CRPPA: variants seen among roughly 807,000 people sequenced by gnomAD.
The protein encoded by CRPPA is D-ribitol-5-phosphate cytidylyltransferase.
Under a neutral mutation model 52.0 loss-of-function variants are expected in CRPPA, and 43 were observed. The ratio of observed to expected loss-of-function variants is 0.83; its 90% CI spans 0.65 to 1.07. The LOEUF (loss-of-function observed/expected upper bound fraction) is 1.07. Among genes scored for constraint, CRPPA ranks in the 50% least tolerant of loss-of-function variants. CRPPA has a pLI of 0.00. For synonymous variants in CRPPA, 250 were observed against 203.5 expected (o/e 1.23, Z -1.94); for missense variants, 629 against 551.7 (o/e 1.14, Z -1.40).
chr7:16,277,970 G>C (rs753322316), intron 6 of CRPPA, among the ~76,000 whole-genome samples, 159 bp downstream of exon 6: 4 of 152,192 alleles, frequency 2.6e-5, no homozygotes, highest in Non-Finnish European at 5.9e-5. Flanking sequence ...GTATGTTTCA[G>C]ATCCTAAGTG....
chr7:16,340,995 A>G (rs1172806612), intron 3 of CRPPA, among the ~76,000 whole-genome samples: 1 of 152,126 alleles, frequency 6.6e-6, no homozygotes, highest in African/African-American at 2.4e-5. Flanking sequence ...AAAGCATCCA[A>G]TCTGAAAAGG....
intron 6 of CRPPA, among the ~76,000 whole-genome samples, chr7:16,260,298 G>A (rs963618114): frequency 1.3e-5 from 2 of 151,668 alleles, no homozygotes; most frequent in Admixed American, 1.3e-4. Flanking sequence ...AGTAAGATGG[G>A]GACATCTCTC....
chr7:16,389,922 A>ATAT lies in CRPPA; in HGVS notation c.535-13682_535-13681insATA, dbSNP rs1163713598. Among the ~76,000 whole-genome samples, 436 of 62,142 alleles carry ATAT rather than the reference A, an allele frequency of 7.0e-3. 3 individuals are homozygous for ATAT. Among genetic ancestry groups the ATAT allele is most frequent in the South Asian group, 0.01 (17 of 1,678 alleles). The allele number at this position is 62,142 out of a possible 152,430, so 40.8% of individuals were successfully genotyped here. A position where few individuals can be genotyped will look rare whatever the true frequency, so the allele number is the denominator to read the frequency against. On this transcript the variant is annotated intron_variant, in intron 2 of 9. Transcript: ENST00000407010. ...GAACAAGCCTAGTATACAAAAAAAA[A>ATAT]AAAAAAATATATATATATATATATA...
intron 2 of CRPPA, among the ~76,000 whole-genome samples, chr7:16,392,100 A>G (rs1408913596): frequency 6.6e-6 from 1 of 152,146 alleles, no homozygotes; most frequent in Non-Finnish European, 1.5e-5. Context: ...CTGCTTAATT[A>G]ATATTCTTTT....
intron 9 of CRPPA, among the ~76,000 whole-genome samples, chr7:16,107,674 C>G (rs1405305873): frequency 5.3e-5 from 8 of 150,258 alleles, no homozygotes; most frequent in African/African-American, 2.0e-4. Context: ...TATAAAAAAG[C>G]AAAAAAAATC....
chr7:16,091,728 A>G lies in CRPPA; in HGVS notation c.1323T>C (p.Asn441=). Residue 441 remains asparagine (N), a synonymous_variant, in exon 10 of 10, where the codon AAT becomes AAC. Transcript: ENST00000407010. ...IIIASLIKER[N]SGLIGQLLIA Reference sequence around the variant, plus strand: ...TCAGAAGCTGACCAATGAGTCCAGAATTTCTTTCCTTGATTAATGAAGCAA... The same window carrying G: ...TCAGAAGCTGACCAATGAGTCCAGAGTTTCTTTCCTTGATTAATGAAGCAA... 1 of 1,562,026 alleles carries G rather than the reference A, an allele frequency of 6.4e-7. No individual in the cohort carries two copies. The highest frequency in any genetic ancestry group is 1.2e-5 in the South Asian group (1 of 83,996).
chr7:16,341,287 T>A (rs1785821276), intron 3 of CRPPA, among the ~76,000 whole-genome samples: 1 of 148,044 alleles, frequency 6.8e-6, no homozygotes, highest in Admixed American at 6.7e-5. Context: ...TTCAATGGTT[T>A]AAAAAAAAAA....
chr7:16,143,031 A>G (rs1292623709), intron 9 of CRPPA, among the ~76,000 whole-genome samples: 1 of 152,224 alleles, frequency 6.6e-6, no homozygotes, highest in Non-Finnish European at 1.5e-5. Flanking sequence ...AATGTTGGAA[A>G]AAGAAAAATA....
intron 2 of CRPPA, among the ~76,000 whole-genome samples, chr7:16,398,344 C>T (rs6976588): frequency 0.15 from 22,478 of 151,912 alleles, 2,106 homozygotes; most frequent in Admixed American, 0.2. Flanking sequence ...GTTATCAACA[C>T]GTGTGACATG....
intron 3 of CRPPA, among the ~76,000 whole-genome samples, chr7:16,345,171 C>G (rs1785980305): frequency 6.6e-6 from 1 of 152,124 alleles, no homozygotes. Context: ...CATCAGAAGT[C>G]ATGGAGGTCA....
chr7:16,226,844 G>A (rs970959224), intron 8 of CRPPA, among the ~76,000 whole-genome samples: 2 of 151,842 alleles, frequency 1.3e-5, no homozygotes, highest in Admixed American at 6.6e-5. Context: ...AGTTTTTCAA[G>A]AACGTATTAA....
intron 6 of CRPPA, among the ~76,000 whole-genome samples, chr7:16,268,508 T>C (rs60744133): frequency 0.012 from 1,877 of 152,240 alleles, 41 homozygotes; most frequent in African/African-American, 0.043. Flanking sequence ...TACATAAAAT[T>C]TCCCTCTCAT....
intron 2 of CRPPA, among the ~76,000 whole-genome samples, chr7:16,397,838 T>A (rs572041090): frequency 6.6e-6 from 1 of 152,206 alleles, no homozygotes; most frequent in Non-Finnish European, 1.5e-5. Flanking sequence ...CCACAAAGGA[T>A]CAACACGTAA....
chr7:16,232,162 A>C lies in CRPPA; in HGVS notation c.1120-15965T>G, dbSNP rs116878844. On this transcript the variant is annotated intron_variant, in intron 8 of 9. Coordinates refer to ENST00000407010, the MANE Select transcript of CRPPA (RefSeq NM_001101426.4). Reference sequence around the variant, plus strand: ...AAAGGCCTAGAAGGAACAGTACTCAATGCACACACAGGGTTGGAAAAATTG... The same window carrying C: ...AAAGGCCTAGAAGGAACAGTACTCACTGCACACACAGGGTTGGAAAAATTG... 1.1e-4 allele frequency among the ~76,000 whole-genome samples: 16 copies of C among 152,312 alleles called. No individual in the cohort carries two copies. The East Asian group carries it at 3.1e-3, about 29-fold the overall frequency.
intron 2 of CRPPA, among the ~76,000 whole-genome samples, chr7:16,384,077 G>A (rs561770171): frequency 4.8e-4 from 73 of 152,266 alleles, no homozygotes; most frequent in African/African-American, 1.2e-3. Flanking sequence ...GAAATCACCC[G>A]TCTTCTGCGT....
chr7:16,382,279 G>C (rs1369606734), intron 2 of CRPPA, among the ~76,000 whole-genome samples: 1 of 152,124 alleles, frequency 6.6e-6, no homozygotes, highest in Admixed American at 6.5e-5. Flanking sequence ...ATGAAATTCT[G>C]GGTTGAAAAT....
intron 9 of CRPPA, among the ~76,000 whole-genome samples, chr7:16,137,623 C>T: frequency 6.6e-6 from 1 of 152,248 alleles, no homozygotes; most frequent in East Asian, 1.9e-4. Context: ...ATTAAGAATA[C>T]TATATAATAT....
intron 3 of CRPPA, among the ~76,000 whole-genome samples, chr7:16,366,724 A>G (rs1297032655): frequency 6.6e-6 from 1 of 151,904 alleles, no homozygotes; most frequent in Non-Finnish European, 1.5e-5. Flanking sequence ...AAAGAAAATG[A>G]CATGACTATA....
At chr7:16,240,451 T>C (rs542055257) in intron 8 of CRPPA, among the ~76,000 whole-genome samples, 2 of 151,760 alleles carry the variant, frequency 1.3e-5, no homozygotes, top group South Asian at 2.1e-4. Context: ...AAAGCTATAG[T>C]TTTTCTGATT....
Sources: allele counts gnomAD v4.1 joint callset (sites outside exome capture counted in the v4.1 genomes callset), GRCh38; gene constraint gnomAD v4.1.1; transcripts MANE v1.5; gene names NCBI Gene and HGNC (gene_info 2026-07-23, HGNC 2026-07-21).